Variants in FAM178B observed in about 807,000 individuals in gnomAD.
FAM178B encodes family with sequence similarity 178 member B, also known as protein FAM178B.
In FAM178B, 82 loss-of-function variants were observed where a neutral mutation model predicts 91.7. The observed-to-expected ratio is 0.89, with a 90% CI of 0.75 to 1.07. FAM178B has a LOEUF of 1.07. Among genes scored for constraint, FAM178B ranks in the 50% least tolerant of loss-of-function variants. The pLI is 0.00. For missense variants in FAM178B, 769 were observed against 846.7 expected, an observed-to-expected ratio of 0.91 and a Z score of 1.14; for synonymous variants, 368 against 359.4, an observed-to-expected ratio of 1.02 and a Z score of -0.27.
intron 10 of FAM178B, among the ~76,000 whole-genome samples, chr2:96,922,757 T>C (rs1398787220): frequency 6.6e-6 from 1 of 152,168 alleles, no homozygotes; most frequent in African/African-American, 2.4e-5. Context: ...CAGGCTGGAG[T>C]GCAATGGTGC....
intron 1 of FAM178B, among the ~76,000 whole-genome samples, chr2:96,974,205 A>G (rs1159164460): frequency 6.6e-6 from 1 of 150,992 alleles, no homozygotes; most frequent in Admixed American, 6.6e-5. Flanking sequence ...ACACAGTGAA[A>G]CCCCATCTCC....
chr2:96,951,307 T>G (rs1193068899), intron 7 of FAM178B, 72 bp downstream of exon 7: 10 of 1,121,732 alleles, frequency 8.9e-6, no homozygotes, highest in Non-Finnish European at 1.3e-5. Context: ...TGCCCACCCC[T>G]CAGCCTGTGG....
chr2:96,915,767 G>A (rs2081231112), intron 12 of FAM178B, among the ~76,000 whole-genome samples: 1 of 150,486 alleles, frequency 6.6e-6, no homozygotes, highest in South Asian at 2.1e-4. Context: ...AGTGAGCTGA[G>A]ACTGTGCCAT....
intron 4 of FAM178B, among the ~76,000 whole-genome samples, chr2:96,970,040 C>T (rs1465757864): frequency 6.6e-6 from 1 of 152,178 alleles, no homozygotes; most frequent in Non-Finnish European, 1.5e-5. Flanking sequence ...CGGGAGAGGA[C>T]AAAGACTCAG....
At chr2:96,927,858 G>A (rs866271662) in intron 9 of FAM178B, among the ~76,000 whole-genome samples, 14 of 152,220 alleles carry the variant, frequency 9.2e-5, no homozygotes, top group African/African-American at 3.1e-4. Context: ...TGGACTCCAC[G>A]GCCCCTGCCT....
intron 12 of FAM178B, among the ~76,000 whole-genome samples, chr2:96,910,797 AT>A (rs200071141): frequency 0.063 from 8,641 of 136,144 alleles, 655 homozygotes; most frequent in African/African-American, 0.21. Context: ...TCTCTTCTTA[AT>A]TTTTTTTTTT....
intron 6 of FAM178B, chr2:96,951,897 T>C (rs963792213): frequency 1.8e-5 from 3 of 167,840 alleles, no homozygotes; most frequent in Non-Finnish European, 3.9e-5. Flanking sequence ...GGCATGTACC[T>C]GTAATCCCAG....
chr2:96,878,867 G>A (rs1574171711), intron 14 of FAM178B, among the ~76,000 whole-genome samples: 1 of 152,242 alleles, frequency 6.6e-6, no homozygotes, highest in South Asian at 2.1e-4. Context: ...GATCTCTGCA[G>A]TCTCTGTTCC....
chr2:96,910,192 A>G (rs1325867262), intron 12 of FAM178B, among the ~76,000 whole-genome samples: 3 of 152,158 alleles, frequency 2.0e-5, no homozygotes, highest in Non-Finnish European at 4.4e-5. Flanking sequence ...CCCAAGCCGG[A>G]ATCCCCTAGA....
intron 12 of FAM178B, among the ~76,000 whole-genome samples, chr2:96,910,391 C>T (rs1434880306): frequency 1.3e-5 from 2 of 152,192 alleles, no homozygotes; most frequent in African/African-American, 4.8e-5. Flanking sequence ...CTCTCTTAGG[C>T]TTTAACCCCC....
intron 14 of FAM178B, among the ~76,000 whole-genome samples, chr2:96,891,723 G>A (rs1194179316): frequency 2.0e-5 from 3 of 152,224 alleles, no homozygotes; most frequent in African/African-American, 7.2e-5. Flanking sequence ...GAGGCAGCCA[G>A]AGGAGGTGGG....
intron 2 of FAM178B, 85 bp downstream of exon 2, chr2:96,972,453 G>A: frequency 1.3e-6 from 2 of 1,501,758 alleles, no homozygotes; most frequent in South Asian, 2.4e-5. Context: ...AGGATGCAAG[G>A]GAAATCCTTC....
intron 8 of FAM178B, among the ~76,000 whole-genome samples, chr2:96,947,088 C>T (rs1356277510): frequency 1.3e-5 from 2 of 152,154 alleles, no homozygotes; most frequent in African/African-American, 4.8e-5. Context: ...ACCTGGGAGT[C>T]CCTCTTACTG....
intron 14 of FAM178B, among the ~76,000 whole-genome samples, chr2:96,883,984 TG>T (rs1559048519): frequency 7.2e-5 from 11 of 152,194 alleles, no homozygotes; most frequent in Non-Finnish European, 1.5e-4. Flanking sequence ...GCACACGGAC[TG>T]AAGATCGACT....
In FAM178B at chr2:96,951,423, G is replaced by A. The variant is rs2081925877; in HGVS notation, c.949C>T (p.His317Tyr). 6.4e-7 allele frequency: 1 copy of A among 1,551,660 alleles called. No individual in the cohort carries two copies. Among genetic ancestry groups the A allele is most frequent in the Non-Finnish European group, 8.7e-7 (1 of 1,146,948 alleles). ...RSGLLNILYL[H>Y]MPDCPVSLLQ... ...AGGGATACCGGGCAGTCAGGCATGT[G>A]CAGGTAGAGGATGTTCAGGAGGCCA... The change falls in exon 7 of 17, where the codon CAC becomes TAC. Residue 317 changes from histidine (H) to tyrosine (Y), a missense_variant. By Grantham distance (83) the His-to-Tyr change is moderately conservative. Coordinates refer to ENST00000490605, the MANE Select transcript of FAM178B (RefSeq NM_001122646.3).
chr2:96,918,613 G>A (rs990552718), intron 12 of FAM178B, among the ~76,000 whole-genome samples: 3 of 152,178 alleles, frequency 2.0e-5, no homozygotes, highest in Admixed American at 6.5e-5. Context: ...TTCACATCAA[G>A]GAATTTATCT....
intron 8 of FAM178B, among the ~76,000 whole-genome samples, chr2:96,944,122 G>A (rs1011950412): frequency 1.3e-5 from 2 of 151,720 alleles, no homozygotes; most frequent in African/African-American, 4.8e-5. Flanking sequence ...GGTGCCTGTA[G>A]TCCCAGCTAC....
At chr2:96,923,948 AAG>A (rs1191598953) in intron 9 of FAM178B, among the ~76,000 whole-genome samples, 1 of 152,238 alleles carries the variant, frequency 6.6e-6, no homozygotes, top group African/African-American at 2.4e-5. Context: ...CCAGTGGTGA[AAG>A]AGAGAGGGAG....
chr2:96,885,727 C>T (rs907799086), intron 14 of FAM178B, among the ~76,000 whole-genome samples: 3 of 152,168 alleles, frequency 2.0e-5, no homozygotes, highest in Non-Finnish European at 2.9e-5. Context: ...AGGGAGATGA[C>T]AGGCAGGGAT....
Sources: allele counts gnomAD v4.1 joint callset (sites outside exome capture counted in the v4.1 genomes callset), GRCh38; gene constraint gnomAD v4.1.1; transcripts MANE v1.5; gene names NCBI Gene and HGNC (gene_info 2026-07-23, HGNC 2026-07-21).